Variants in TMTC2 observed in about 807,000 individuals in gnomAD.
TMTC2 encodes the protein protein O-mannosyl-transferase TMTC2.
A neutral mutation model predicts 82.4 loss-of-function variants in TMTC2; 43 were observed. That is an observed-to-expected ratio of 0.52 (90% CI 0.41 to 0.67). The LOEUF (loss-of-function observed/expected upper bound fraction) is 0.67. Ranked by LOEUF, TMTC2 falls within the 30% of genes least tolerant of loss-of-function variation. The probability of loss-of-function intolerance (pLI) is 0.00; values close to 1 mark genes in which losing one functional copy is unlikely to be tolerated. For missense variants in TMTC2, 919 were observed against 1,012.4 expected, an observed-to-expected ratio of 0.91 and a Z score of 1.25; for synonymous variants, 408 against 381.9, an observed-to-expected ratio of 1.07 and a Z score of -0.80.
At chr12:82,714,719 G>T (rs1873812982) in intron 1 of TMTC2, among the ~76,000 whole-genome samples, 1 of 151,970 alleles carries the variant, frequency 6.6e-6, no homozygotes, top group African/African-American at 2.4e-5. Context: ...TTTTTAAAAG[G>T]ATAATTAAAA....
intron 10 of TMTC2, among the ~76,000 whole-genome samples, chr12:83,057,070 CAT>C (rs1398136574): frequency 6.6e-6 from 1 of 151,884 alleles, no homozygotes; most frequent in Non-Finnish European, 1.5e-5. Context: ...CTTATCCAAA[CAT>C]TACACCTTGA....
chr12:82,958,238 C>G (rs927061234), intron 4 of TMTC2, among the ~76,000 whole-genome samples: 6 of 151,798 alleles, frequency 4.0e-5, no homozygotes, highest in African/African-American at 1.5e-4. Context: ...GTAGCGCACA[C>G]CTGTAGCCCC....
chr12:83,007,070 T>C (rs1880237313), intron 8 of TMTC2, among the ~76,000 whole-genome samples: 1 of 152,030 alleles, frequency 6.6e-6, no homozygotes, highest in South Asian at 2.1e-4. Flanking sequence ...ATTGTGCACA[T>C]GTACCCTAGA....
At chr12:83,031,286 C>T (rs1881420103) in intron 9 of TMTC2, among the ~76,000 whole-genome samples, 1 of 152,084 alleles carries the variant, frequency 6.6e-6, no homozygotes, top group Admixed American at 6.6e-5. Context: ...ACATTTTGGC[C>T]TCAAAAGTCT....
intron 3 of TMTC2, among the ~76,000 whole-genome samples, chr12:82,901,164 A>G (rs1317449716): frequency 1.7e-5 from 1 of 60,336 alleles, no homozygotes; most frequent in Admixed American, 2.5e-4. Flanking sequence ...GAATATATAT[A>G]TATCTGGAAT....
At chr12:82,828,779 A>G (rs1869585887) in intron 1 of TMTC2, among the ~76,000 whole-genome samples, 1 of 152,164 alleles carries the variant, frequency 6.6e-6, no homozygotes, top group Admixed American at 6.5e-5. Flanking sequence ...TTATAGGTGT[A>G]TGACTTAAAG....
chr12:83,056,570 A>C (rs1882550720), intron 10 of TMTC2, among the ~76,000 whole-genome samples: 2 of 152,104 alleles, frequency 1.3e-5, no homozygotes, highest in South Asian at 2.1e-4. Flanking sequence ...GAGAAAAAAA[A>C]CAGAATCAAA....
chr12:82,914,646 C>T (rs1431566382), intron 3 of TMTC2, among the ~76,000 whole-genome samples: 2 of 151,890 alleles, frequency 1.3e-5, no homozygotes, highest in Admixed American at 6.6e-5. Flanking sequence ...ATGAATAGGG[C>T]AGATTTACTA....
chr12:82,850,390 G>T (rs1427507069), intron 1 of TMTC2, among the ~76,000 whole-genome samples: 6 of 152,112 alleles, frequency 3.9e-5, no homozygotes, highest in Non-Finnish European at 8.8e-5. Flanking sequence ...TTCAAATGTG[G>T]ATGTCAAATG....
intron 8 of TMTC2, among the ~76,000 whole-genome samples, chr12:83,029,254 A>G (rs1364324299): frequency 6.6e-6 from 1 of 152,144 alleles, no homozygotes; most frequent in African/African-American, 2.4e-5. Flanking sequence ...GTGGCCCAGG[A>G]CAGCTTTGAA....
Position 83,025,303 on chromosome 12 carries a change from A to G in TMTC2, c.2071-5495A>G, listed in dbSNP as rs191484757. On this transcript the variant is annotated intron_variant, in intron 8 of 11. Coordinates refer to ENST00000321196, the MANE Select transcript of TMTC2 (RefSeq NM_152588.3). The stretch of plus-strand genomic sequence containing the variant: ...GATGGCTATAGAAGAAAAGGTAAAG[A>G]TTTGTGTTAGTTTATAGAACACGAT... Among the ~76,000 whole-genome samples, 197 of 152,042 alleles carry G rather than the reference A, an allele frequency of 1.3e-3. 3 individuals are homozygous for G. The highest frequency in any genetic ancestry group is 0.012 in the Admixed American group (187 of 15,252).
intron 9 of TMTC2, among the ~76,000 whole-genome samples, chr12:83,034,372 A>G (rs1441132857): frequency 6.6e-6 from 1 of 152,228 alleles, no homozygotes; most frequent in Non-Finnish European, 1.5e-5. Flanking sequence ...CAGAGAAAAA[A>G]AAACCTAATG....
Position 83,004,722 on chromosome 12 carries a change from A to ATTTTTTTTTTTTTTTTTTTTTTT in TMTC2, c.2070+18699_2070+18721dup, listed in dbSNP as rs528076999. Among the ~76,000 whole-genome samples, 6 of 36,014 alleles carry ATTTTTTTTTTTTTTTTTTTTTTT rather than the reference A, an allele frequency of 1.7e-4. 2 individuals are homozygous for ATTTTTTTTTTTTTTTTTTTTTTT. The highest frequency in any genetic ancestry group is 2.6e-4 in the Non-Finnish European group (5 of 18,964). The allele number at this position is 36,014 out of a possible 152,430, so 23.6% of individuals were successfully genotyped here. A position where few individuals can be genotyped will look rare whatever the true frequency, so the allele number is the denominator to read the frequency against. ...TTCACAGGCAGTGTATACTGGCCGA[A>ATTTTTTTTTTTTTTTTTTTTTTT]TTTTTTTTTTTTTTTTTTTTTTTTT... On this transcript the variant is annotated intron_variant, in intron 8 of 11. Coordinates refer to ENST00000321196, the MANE Select transcript of TMTC2 (RefSeq NM_152588.3).
At chr12:83,040,890 T>C (rs1592711577) in intron 9 of TMTC2, among the ~76,000 whole-genome samples, 1 of 152,178 alleles carries the variant, frequency 6.6e-6, no homozygotes, top group East Asian at 1.9e-4. Flanking sequence ...ATCACCGTGT[T>C]AGCCAGGATG....
At chr12:82,994,551 T>C in intron 8 of TMTC2, among the ~76,000 whole-genome samples, 1 of 151,974 alleles carries the variant, frequency 6.6e-6, no homozygotes, top group East Asian at 1.9e-4. Flanking sequence ...CCTAGTACTC[T>C]GATATTCCAT....
At chr12:83,095,035 T>C (rs1418516280) in intron 11 of TMTC2, among the ~76,000 whole-genome samples, 2 of 152,184 alleles carry the variant, frequency 1.3e-5, no homozygotes, top group Non-Finnish European at 2.9e-5. Flanking sequence ...AATTCTGTGA[T>C]CTACAAACAC....
intron 1 of TMTC2, among the ~76,000 whole-genome samples, chr12:82,809,766 T>C (rs1052128484): frequency 2.6e-5 from 4 of 152,030 alleles, no homozygotes; most frequent in African/African-American, 9.7e-5. Flanking sequence ...TGAATGTGAG[T>C]TGGGATTCAT....
chr12:83,099,344 T>A (rs1361418747), intron 11 of TMTC2, among the ~76,000 whole-genome samples: 1 of 152,146 alleles, frequency 6.6e-6, no homozygotes, highest in South Asian at 2.1e-4. Flanking sequence ...AACAAATGAG[T>A]AACGTTTAAT....
At chr12:82,945,239 A>C (rs1437881347) in intron 4 of TMTC2, among the ~76,000 whole-genome samples, 1 of 152,252 alleles carries the variant, frequency 6.6e-6, no homozygotes, top group Non-Finnish European at 1.5e-5. Context: ...TTTGTATTAA[A>C]GGTTTTCTCT....
Sources: allele counts gnomAD v4.1 joint callset (sites outside exome capture counted in the v4.1 genomes callset), GRCh38; gene constraint gnomAD v4.1.1; transcripts MANE v1.5; gene names NCBI Gene and HGNC (gene_info 2026-07-23, HGNC 2026-07-21).